The following DENND2B variants were observed in gnomAD, a reference collection of about 807,000 sequenced individuals.
DENND2B encodes DENN domain-containing protein 2B.
A neutral mutation model predicts 116.0 loss-of-function variants in DENND2B; 32 were observed. The observed-to-expected ratio is 0.28, with a 90% confidence interval of 0.21 to 0.37. The LOEUF (loss-of-function observed/expected upper bound fraction) is 0.37, where lower values mean the gene tolerates loss of function less well. DENND2B is among the 10% of genes least tolerant of loss of function. DENND2B has a pLI of 1.00. For missense variants in DENND2B, 1,276 were observed against 1,477.7 expected (o/e 0.86, Z 2.24); for synonymous variants, 588 against 583.9 (o/e 1.01, Z -0.10).
intron 1 of DENND2B, among the ~76,000 whole-genome samples, chr11:8,801,779 G>A (rs775260147): frequency 5.6e-4 from 84 of 150,972 alleles, no homozygotes; most frequent in Admixed American, 2.0e-3. Flanking sequence ...CGAGGTGGGC[G>A]GATCACTTGA....
intron 1 of DENND2B, among the ~76,000 whole-genome samples, chr11:8,889,867 C>G (rs953168778): frequency 5.3e-5 from 8 of 152,228 alleles, no homozygotes; most frequent in Non-Finnish European, 1.0e-4. Flanking sequence ...ACTTAAATGT[C>G]CCTGTCTGGC....
chr11:8,796,535 G>GA (rs1258174961), intron 1 of DENND2B, among the ~76,000 whole-genome samples: 2 of 151,952 alleles, frequency 1.3e-5, no homozygotes, highest in African/African-American at 4.8e-5. Context: ...AATCCATCTC[G>GA]AAAAAGAAAA....
intron 1 of DENND2B, among the ~76,000 whole-genome samples, chr11:8,904,411 A>C (rs1198877373): frequency 6.6e-6 from 1 of 152,188 alleles, no homozygotes; most frequent in African/African-American, 2.4e-5. Flanking sequence ...AATAATTTTT[A>C]AAGATAGATG....
At chr11:8,715,470 C>T in intron 6 of DENND2B, 133 bp downstream of exon 6, 1 of 877,158 alleles carries the variant, frequency 1.1e-6, no homozygotes, top group Non-Finnish European at 1.7e-6. Context: ...GTGCACGGAC[C>T]CAGAATTTAT....
intron 2 of DENND2B, among the ~76,000 whole-genome samples, chr11:8,864,440 G>T (rs539428424): frequency 6.2e-4 from 94 of 152,132 alleles, no homozygotes; most frequent in Admixed American, 3.3e-3. Context: ...GCTAATTTTT[G>T]TATTTTTTTC....
At chr11:8,842,077 G>A (rs1027402777) in intron 3 of DENND2B, among the ~76,000 whole-genome samples, 10 of 152,134 alleles carry the variant, frequency 6.6e-5, no homozygotes, top group Non-Finnish European at 2.9e-5. Flanking sequence ...TAATTTCTCT[G>A]AGTCATGATT....
chr11:8,837,183 G>C (rs10769967), intron 4 of DENND2B, among the ~76,000 whole-genome samples: 50,140 of 149,666 alleles, frequency 0.34, 10,157 homozygotes, highest in Non-Finnish European at 0.44. Flanking sequence ...TTAAATCTCA[G>C]TCATTTCAGA....
intron 10 of DENND2B, 81 bp from the exon 11 acceptor site, chr11:8,710,995 C>CCT: frequency 6.3e-7 from 1 of 1,585,458 alleles, no homozygotes; most frequent in Non-Finnish European, 8.6e-7. Context: ...CCGTCATTTT[C>CCT]ACGTGGGGTG....
intron 4 of DENND2B, among the ~76,000 whole-genome samples, chr11:8,724,285 G>A (rs1210179628): frequency 6.6e-6 from 1 of 151,032 alleles, no homozygotes; most frequent in Non-Finnish European, 1.5e-5. Context: ...GACAGAGCGA[G>A]ACTCCGTCTC....
intron 1 of DENND2B, among the ~76,000 whole-genome samples, chr11:8,889,529 A>C (rs1305772663): frequency 5.9e-5 from 9 of 152,230 alleles, no homozygotes; most frequent in Non-Finnish European, 1.0e-4. Context: ...CTGGAAAATC[A>C]GGTCACTCCC....
intron 4 of DENND2B, among the ~76,000 whole-genome samples, chr11:8,838,117 T>C (rs1290343120): frequency 6.6e-6 from 1 of 152,212 alleles, no homozygotes; most frequent in Non-Finnish European, 1.5e-5. Context: ...AGTGACTACA[T>C]ATATTACTTT....
intron 1 of DENND2B, chr11:8,774,170 GTCAGCCT>G: frequency 1.0e-6 from 1 of 985,490 alleles, no homozygotes; most frequent in Non-Finnish European, 1.2e-6. Context: ...TCTCTGCTCA[GTCAGCCT>G]TCACGTTGGG....
rs973911392 is a variant in DENND2B, at chr11:8,693,770, C to G, written c.*326G>C. Reference sequence around the variant, plus strand: ...GGGAAGATCAGTGGTTTGGCTGAGACAGTCAGCTGCACAAAACTGGCCAGT... The same window carrying G: ...GGGAAGATCAGTGGTTTGGCTGAGAGAGTCAGCTGCACAAAACTGGCCAGT... On this transcript the variant is annotated 3_prime_UTR_variant, in exon 20 of 20. Coordinates refer to ENST00000313726, the MANE Select transcript of DENND2B (RefSeq NM_213618.2). The G allele has an allele frequency of 1.4e-5, 4 of 284,782 alleles. No homozygotes were observed. The highest frequency in any genetic ancestry group is 5.1e-5 in the Admixed American group (1 of 19,760). The allele number at this position is 284,782 out of a possible 1,614,324, so 17.6% of individuals were successfully genotyped here.
chr11:8,781,210 T>C (rs754268721), intron 1 of DENND2B, among the ~76,000 whole-genome samples: 2 of 152,110 alleles, frequency 1.3e-5, no homozygotes, highest in South Asian at 2.1e-4. Flanking sequence ...AGAGGACATA[T>C]GAAGAAGGTT....
chr11:8,718,190 CCCTG>C, intron 4 of DENND2B: 1 of 705,260 alleles, frequency 1.4e-6, no homozygotes, highest in South Asian at 1.5e-5. Context: ...GCTCAGCCAC[CCCTG>C]CCTGTGCCCA....
intron 1 of DENND2B, among the ~76,000 whole-genome samples, chr11:8,795,728 A>G (rs1461027871): frequency 6.6e-6 from 1 of 152,094 alleles, no homozygotes; most frequent in East Asian, 1.9e-4. Flanking sequence ...ATCATATTCA[A>G]ATGTGTTTCC....
Position 8,730,036 on chromosome 11 carries a change from A to T in DENND2B, c.1254T>A (p.Ala418=). The change falls in exon 3 of 20, where the codon GCT becomes GCA. Residue 418 remains alanine, a synonymous_variant. Transcript: ENST00000313726. The surrounding 1 kb of genome is among the most constrained non-coding windows in gnomAD (Gnocchi z 4.1). ...CTGGGGTGGAGGGCAAGGGAGGTGG[A>T]GCAGCAGGTGTGGGTGAAGGAGGTA... ...NGLPPSPTPA[A]PPPLPSTPAP... The T allele has an allele frequency of 1.2e-6, 2 of 1,614,148 alleles. No homozygotes were observed. Among genetic ancestry groups the T allele is most frequent in the Non-Finnish European group, 1.7e-6 (2 of 1,180,008 alleles).
At chr11:8,907,055 A>C (rs892939304) in intron 1 of DENND2B, among the ~76,000 whole-genome samples, 4 of 152,132 alleles carry the variant, frequency 2.6e-5, no homozygotes, top group Admixed American at 2.6e-4. Context: ...TTCTCCTCAA[A>C]AAGTCCCAAA....
At chr11:8,718,386 C>T (rs942275705) in intron 4 of DENND2B, 21 of 1,535,292 alleles carry the variant, frequency 1.4e-5, no homozygotes, top group Admixed American at 2.0e-5. Flanking sequence ...GAGGAACTCA[C>T]AGAACCGTAG....
Sources: allele counts gnomAD v4.1 joint callset (sites outside exome capture counted in the v4.1 genomes callset), GRCh38; gene constraint gnomAD v4.1.1; non-coding constraint Gnocchi (gnomAD v3.1); transcripts MANE v1.5; gene names NCBI Gene and HGNC (gene_info 2026-07-23, HGNC 2026-07-21).